The following BICRA variants were observed in gnomAD, a reference collection of about 807,000 sequenced individuals.
BICRA encodes BRD4-interacting chromatin-remodeling complex-associated protein.
BICRA carries 31 observed loss-of-function variants against 96.9 expected under a neutral mutation model. The ratio of observed to expected loss-of-function variants is 0.32; its 90% CI spans 0.24 to 0.43. The LOEUF (loss-of-function observed/expected upper bound fraction) is 0.43, where lower values mean the gene tolerates loss of function less well. Ranked by LOEUF, BICRA falls within the 20% of genes least tolerant of loss-of-function variation. BICRA has a pLI of 1.00. For synonymous variants in BICRA, 1,350 were observed against 1,071.8 expected (o/e 1.26, Z -5.07); for missense variants, 2,283 against 2,190.3 (o/e 1.04, Z -0.84).
chr19:47,631,665 G>C (rs901827486), intron 1 of BICRA, among the ~76,000 whole-genome samples: 1 of 152,004 alleles, frequency 6.6e-6, no homozygotes, highest in East Asian at 1.9e-4. Flanking sequence ...GCACTCGGCC[G>C]ATTTATGTTT....
At chr19:47,661,434 G>T (rs1972703675) in intron 1 of BICRA, among the ~76,000 whole-genome samples, 1 of 152,008 alleles carries the variant, frequency 6.6e-6, no homozygotes, top group South Asian at 2.1e-4. Context: ...CAGCGAGGAA[G>T]GGGGTTCGCG....
At chr19:47,677,626 C>G (rs537185675) in intron 5 of BICRA, among the ~76,000 whole-genome samples, 2 of 152,058 alleles carry the variant, frequency 1.3e-5, no homozygotes, top group African/African-American at 4.8e-5. Flanking sequence ...AACTCGTGGG[C>G]GGAGATTGTG....
chr19:47,667,122 C>A (rs1018964559), intron 1 of BICRA, among the ~76,000 whole-genome samples: 10 of 151,258 alleles, frequency 6.6e-5, no homozygotes, highest in Non-Finnish European at 7.4e-5. Flanking sequence ...GGGTTCACGC[C>A]ATTCTCCTGC....
intron 7 of BICRA, among the ~76,000 whole-genome samples, chr19:47,692,895 A>C (rs973490056): frequency 9.9e-5 from 15 of 152,144 alleles, no homozygotes; most frequent in Admixed American, 8.5e-4. Context: ...TCTGAGCCTG[A>C]ACTCAGTCAG....
At position 47,629,227 on chromosome 19, in the gene BICRA, T is replaced by C. The variant is rs534875472; in HGVS notation, c.-108+20059T>C. On this transcript the variant is annotated intron_variant, in intron 1 of 14. Coordinates refer to ENST00000594866, the MANE Select transcript of BICRA (RefSeq NM_001394372.1). ...ACCGTGTTAGCCAGGATAGTCTCAA[T>C]CTCCTGACCTCATGATCCACCCGCC... is the stretch of plus-strand genomic sequence containing the variant. Among the ~76,000 whole-genome samples, 207 of 151,914 alleles carry C rather than the reference T, an allele frequency of 1.4e-3. 3 individuals are homozygous for C. The highest frequency in any genetic ancestry group is 6.0e-4 in the Non-Finnish European group (41 of 67,928).
intron 1 of BICRA, among the ~76,000 whole-genome samples, chr19:47,640,264 G>T (rs1972364125): frequency 6.6e-6 from 1 of 152,206 alleles, no homozygotes; most frequent in Non-Finnish European, 1.5e-5. Context: ...GGGCACAATG[G>T]CTCACGCCTG....
At chr19:47,681,700 C>A (rs1415155344) in intron 6 of BICRA, among the ~76,000 whole-genome samples, 1 of 152,076 alleles carries the variant, frequency 6.6e-6, no homozygotes, top group Admixed American at 6.5e-5. Context: ...GGAGAGGAAT[C>A]TCAGAGAGAA....
intron 1 of BICRA, among the ~76,000 whole-genome samples, chr19:47,612,518 A>G (rs983742885): frequency 2.6e-5 from 4 of 152,268 alleles, no homozygotes; most frequent in Admixed American, 2.6e-4. Context: ...CAAACGAACA[A>G]TTCCCCTTCA....
chr19:47,651,568 G>A (rs1361756583), intron 1 of BICRA, among the ~76,000 whole-genome samples: 5 of 152,148 alleles, frequency 3.3e-5, no homozygotes, highest in African/African-American at 1.2e-4. Context: ...GGAGAGCAGG[G>A]ATGACTTCCT....
At chr19:47,633,080 C>CTTTTTTTT (rs34761702) in intron 1 of BICRA, among the ~76,000 whole-genome samples, 4 of 93,222 alleles carry the variant, frequency 4.3e-5, no homozygotes, top group African/African-American at 8.1e-5. Flanking sequence ...GATTTTATTT[C>CTTTTTTTT]TTTTTTTTTT....
chr19:47,631,221 A>ATTT (rs1460357755), intron 1 of BICRA, among the ~76,000 whole-genome samples: 1 of 151,710 alleles, frequency 6.6e-6, no homozygotes, highest in Non-Finnish European at 1.5e-5. Context: ...CATCTGGCTA[A>ATTT]TTTTTTATTT....
chr19:47,661,372 C>T (rs1295334921), intron 1 of BICRA, among the ~76,000 whole-genome samples: 1 of 152,060 alleles, frequency 6.6e-6, no homozygotes, highest in East Asian at 1.9e-4. Context: ...CTCATAGCCA[C>T]GTGGCCCAGG....
At chr19:47,681,778 G>T (rs561690756) in intron 6 of BICRA, among the ~76,000 whole-genome samples, 198 bp from the exon 7 acceptor site, 62 of 152,266 alleles carry the variant, frequency 4.1e-4, no homozygotes, top group African/African-American at 1.4e-3. Context: ...CGTGGAGCTG[G>T]CAGAGGGGCC....
intron 9 of BICRA, 130 bp from the exon 10 acceptor site, chr19:47,695,235 C>T (rs1313109334): frequency 3.9e-6 from 3 of 764,626 alleles, no homozygotes. Context: ...GGTGGCAGGG[C>T]TGGCCCCAGA....
intron 6 of BICRA, among the ~76,000 whole-genome samples, chr19:47,681,738 G>C (rs1230161166): frequency 6.6e-6 from 1 of 152,128 alleles, no homozygotes; most frequent in Non-Finnish European, 1.5e-5. Context: ...CAGAGGGACA[G>C]GCAGGTGGGG....
At chr19:47,663,169 A>T (rs191793082) in intron 1 of BICRA, 42 of 152,410 alleles carry the variant, frequency 2.8e-4, no homozygotes, top group African/African-American at 1.0e-3. Context: ...CGGGTGGATC[A>T]CTAGAGGTCA....
intron 7 of BICRA, among the ~76,000 whole-genome samples, chr19:47,692,232 CTTT>C (rs200468113): frequency 9.6e-5 from 14 of 145,814 alleles, no homozygotes; most frequent in Non-Finnish European, 2.1e-4. Context: ...CTTGAATATT[CTTT>C]TTTTTTTTTG....
At position 47,702,400 on chromosome 19, in the gene BICRA, G is replaced by A. The variant is rs377111352; in HGVS notation, c.4668G>A (p.Arg1556=). 1.6e-3 allele frequency: 2,476 copies of A among 1,515,642 alleles called. 5 individuals are homozygous for A. The highest frequency in any genetic ancestry group is 2.3e-3 in the Admixed American group (100 of 43,214). 93.9% of individuals were successfully genotyped at this position (1,515,642 alleles called of 1,614,324 possible). ...PSSHNGGLGA[R]TLTR is the part of the protein sequence containing the mutation. ...GTCACAACGGTGGCCTCGGCGCCAG[G>A]ACGTTGACCAGATAACACCGGGCCG... Residue 1556 remains arginine (R), a synonymous_variant, in exon 15 of 15, where the codon AGG becomes AGA. Transcript: ENST00000594866.
chr19:47,690,114 G>C (rs554829168), intron 7 of BICRA, among the ~76,000 whole-genome samples: 10 of 152,036 alleles, frequency 6.6e-5, no homozygotes, highest in Non-Finnish European at 1.5e-4. Context: ...CAATTCTCCT[G>C]ACTCAGCCTC....
Sources: allele counts gnomAD v4.1 joint callset (sites outside exome capture counted in the v4.1 genomes callset), GRCh38; gene constraint gnomAD v4.1.1; transcripts MANE v1.5; gene names NCBI Gene and HGNC (gene_info 2026-07-23, HGNC 2026-07-21).